Variants in BABAM2 observed in about 807,000 individuals in gnomAD.
BABAM2 encodes the protein BRISC and BRCA1 A complex member 2.
Under a neutral mutation model 54.7 loss-of-function variants are expected in BABAM2, and 31 were observed. The observed-to-expected ratio is 0.57, with a 90% CI of 0.43 to 0.77. BABAM2 has a LOEUF of 0.77. BABAM2 is among the 30% of genes least tolerant of loss of function. The pLI is 0.00. For missense variants in BABAM2, 364 were observed against 455.8 expected (o/e 0.80, Z 1.83); for synonymous variants, 167 against 162.9 (o/e 1.03, Z -0.19).
rs568908200 is a variant in BABAM2 at position 27,977,072 on chromosome 2, T to G, written c.206-10921T>G. Among the ~76,000 whole-genome samples, 80 of 152,328 alleles carry G rather than the reference T, an allele frequency of 5.3e-4. 2 individuals carry two copies. The highest frequency in any genetic ancestry group is 1.9e-3 in the African/African-American group (78 of 41,576). On this transcript the variant is annotated intron_variant, in intron 3 of 11. Transcript: ENST00000379624. ...TTTTCCTTGATATTGGAAATTAAAC[T>G]CTACCACTCAAGATGAAAAGAATGC...
At chr2:28,016,313 C>A in intron 4 of BABAM2, 1 of 1,057,836 alleles carries the variant, frequency 9.5e-7, no homozygotes, top group South Asian at 1.3e-5. Flanking sequence ...TTCAACCAAA[C>A]TCTTGGAGCC....
intron 3 of BABAM2, among the ~76,000 whole-genome samples, chr2:27,951,572 A>G (rs530554817): frequency 1.1e-4 from 16 of 152,208 alleles, no homozygotes; most frequent in Admixed American, 2.6e-4. Flanking sequence ...ATGTACACTG[A>G]AAAGAATGTG....
chr2:28,146,100 A>G (rs773867509), intron 7 of BABAM2, among the ~76,000 whole-genome samples: 2 of 152,222 alleles, frequency 1.3e-5, no homozygotes, highest in Non-Finnish European at 2.9e-5. Context: ...AGAAATGCCA[A>G]TTCAGACCTT....
chr2:28,156,273 G>T (rs1672535290), intron 7 of BABAM2, among the ~76,000 whole-genome samples: 1 of 152,164 alleles, frequency 6.6e-6, no homozygotes, highest in African/African-American at 2.4e-5. Flanking sequence ...CTACCAGACA[G>T]TTATGAATGC....
At position 28,196,325 on chromosome 2, in the gene BABAM2, T is replaced by TCA. The variant is rs1553338851; in HGVS notation, c.681-40877_681-40876insCA. Among the ~76,000 whole-genome samples the TCA allele has an allele frequency of 1.8e-3, 198 of 108,184 alleles. 20 individuals carry two copies. Among genetic ancestry groups the TCA allele is most frequent in the Non-Finnish European group, 3.3e-3 (139 of 41,998 alleles). The allele number at this position is 108,184 out of a possible 152,430, so 71.0% of individuals were successfully genotyped here. Reference sequence around the variant, plus strand: ...CTGGGCAACAGAGCAAGACTCCATATAAAAAAAAAATGAATTTTTTACAAA... The same window carrying TCA: ...CTGGGCAACAGAGCAAGACTCCATATCAAAAAAAAAAATGAATTTTTTACAAA... On this transcript the variant is annotated intron_variant, in intron 7 of 11. Transcript: ENST00000379624.
At chr2:28,115,230 A>T (rs1033472694) in intron 6 of BABAM2, among the ~76,000 whole-genome samples, 1 of 147,206 alleles carries the variant, frequency 6.8e-6, no homozygotes, top group Middle Eastern at 3.2e-3. Context: ...CACACAAACC[A>T]ATCAAATACT....
At chr2:28,132,232 G>A (rs1331289434) in intron 7 of BABAM2, among the ~76,000 whole-genome samples, 1 of 150,234 alleles carries the variant, frequency 6.7e-6, no homozygotes, top group African/African-American at 2.5e-5. Flanking sequence ...TCCGCCTCCC[G>A]GGTTCACGCC....
At chr2:28,184,293 TCC>T (rs1676030985) in intron 7 of BABAM2, among the ~76,000 whole-genome samples, 1 of 67,244 alleles carries the variant, frequency 1.5e-5, no homozygotes, top group African/African-American at 5.3e-5. Flanking sequence ...TCTCCCCCCC[TCC>T]CTCTCTCCCT....
chr2:27,929,741 A>G, intron 2 of BABAM2, 91 bp from the exon 3 acceptor site: 1 of 1,147,582 alleles, frequency 8.7e-7, no homozygotes, highest in Non-Finnish European at 1.3e-6. Context: ...TTGTATAAAG[A>G]TCCTGTTTTG....
chr2:28,078,925 G>A (rs752176872), intron 6 of BABAM2, among the ~76,000 whole-genome samples: 2 of 151,836 alleles, frequency 1.3e-5, no homozygotes, highest in Admixed American at 6.6e-5. Context: ...TCCTTCCTTC[G>A]TTAATCATTA....
At chr2:28,137,006 T>C (rs1340022579) in intron 7 of BABAM2, among the ~76,000 whole-genome samples, 2 of 152,232 alleles carry the variant, frequency 1.3e-5, no homozygotes, top group African/African-American at 2.4e-5. Context: ...AAATTTGATA[T>C]CTTAACAGAA....
At chr2:28,140,238 T>C (rs567075269) in intron 7 of BABAM2, among the ~76,000 whole-genome samples, 2 of 152,300 alleles carry the variant, frequency 1.3e-5, no homozygotes, top group South Asian at 4.1e-4. Flanking sequence ...ATCCTTTATG[T>C]CAGACACTTG....
At chr2:27,966,140 A>G (rs891960131) in intron 3 of BABAM2, among the ~76,000 whole-genome samples, 2 of 152,204 alleles carry the variant, frequency 1.3e-5, no homozygotes, top group African/African-American at 4.8e-5. Flanking sequence ...GAGGCATATA[A>G]TATGGCAACC....
chr2:28,221,002 G>A (rs1165631671), intron 7 of BABAM2, among the ~76,000 whole-genome samples: 2 of 152,048 alleles, frequency 1.3e-5, no homozygotes, highest in Non-Finnish European at 2.9e-5. Context: ...TGATCTCGTC[G>A]ATTCCCAAGT....
At chr2:28,143,041 G>T (rs1000218648) in intron 7 of BABAM2, among the ~76,000 whole-genome samples, 17 of 151,856 alleles carry the variant, frequency 1.1e-4, no homozygotes, top group African/African-American at 3.6e-4. Context: ...AGATTAACTT[G>T]GCCCTGTAAT....
intron 7 of BABAM2, among the ~76,000 whole-genome samples, chr2:28,196,356 A>G (rs1158428221): frequency 1.3e-5 from 2 of 151,766 alleles, no homozygotes; most frequent in African/African-American, 2.4e-5. Flanking sequence ...ACAAAAAAGC[A>G]TTAACATATG....
rs1677511633 is a variant in BABAM2 at position 28,045,790 on chromosome 2, C to A, written c.561C>A (p.Tyr187Ter). 6 of 1,607,328 alleles carry A rather than the reference C, an allele frequency of 3.7e-6. No individual in the cohort carries two copies. The highest frequency in any genetic ancestry group is 2.6e-6 in the Non-Finnish European group (3 of 1,175,620). Residue 187 changes from tyrosine (Y) to a stop codon, truncating the protein, a stop_gained, in exon 6 of 12, where the codon TAC becomes TAA. Transcript: ENST00000379624. LOFTEE classifies it high-confidence loss of function. ...TAGATTTCAGCAATATCCCCACATACCTTCTCAAGGTAAAAATATATGATT... is the reference window on the plus strand; with the variant it reads ...TAGATTTCAGCAATATCCCCACATAACTTCTCAAGGTAAAAATATATGATT... ...LPVDFSNIPT[Y>*]LLKDVNEDPG...
At chr2:27,910,599 A>G (rs1666510995) in intron 2 of BABAM2, among the ~76,000 whole-genome samples, 1 of 152,150 alleles carries the variant, frequency 6.6e-6, no homozygotes, top group Non-Finnish European at 1.5e-5. Flanking sequence ...CCATGAAAGG[A>G]TAACTGCTAT....
chr2:28,023,505 G>T (rs946389897), intron 4 of BABAM2, among the ~76,000 whole-genome samples: 1 of 152,188 alleles, frequency 6.6e-6, no homozygotes, highest in Non-Finnish European at 1.5e-5. Context: ...AGCTCAGAAG[G>T]AGTTTCTGGC....
Sources: allele counts gnomAD v4.1 joint callset (sites outside exome capture counted in the v4.1 genomes callset), GRCh38; gene constraint gnomAD v4.1.1; transcripts MANE v1.5; gene names NCBI Gene and HGNC (gene_info 2026-07-23, HGNC 2026-07-21).